Variants in MACROD2 observed in about 807,000 individuals in gnomAD.
MACROD2 encodes the protein ADP-ribose glycohydrolase MACROD2.
Under a neutral mutation model 70.4 loss-of-function variants are expected in MACROD2, and 36 were observed. The ratio of observed to expected loss-of-function variants is 0.51; its 90% confidence interval spans 0.39 to 0.68. The LOEUF is 0.68. Among genes scored for constraint, MACROD2 ranks in the 30% least tolerant of loss-of-function variants. The probability of loss-of-function intolerance (pLI) is 0.00; values close to 1 mark genes in which losing one functional copy is unlikely to be tolerated. For synonymous variants in MACROD2, 172 were observed against 178.8 expected (o/e 0.96, Z 0.30); for missense variants, 496 against 538.4 (o/e 0.92, Z 0.78).
chr20:14,762,529 C>CTT (rs1288946235), intron 5 of MACROD2, among the ~76,000 whole-genome samples: 3 of 152,118 alleles, frequency 2.0e-5, no homozygotes, highest in African/African-American at 7.2e-5. Flanking sequence ...GACATTCTCT[C>CTT]ACTTACTTAC....
At chr20:15,790,273 A>G (rs1297851336) in intron 8 of MACROD2, among the ~76,000 whole-genome samples, 1 of 151,970 alleles carries the variant, frequency 6.6e-6, no homozygotes, top group Non-Finnish European at 1.5e-5. Flanking sequence ...TTTCAAATAA[A>G]TATTCAGCAT....
chr20:14,272,625 A>T (rs2082206876), intron 3 of MACROD2, among the ~76,000 whole-genome samples: 1 of 151,930 alleles, frequency 6.6e-6, no homozygotes, highest in Non-Finnish European at 1.5e-5. Context: ...TAATGACAGG[A>T]TCAAATTCAC....
rs1568687968 is a variant in MACROD2, at chr20:15,986,252, G to A, written c.986-475G>A. 3.3e-5 allele frequency among the ~76,000 whole-genome samples: 5 copies of A among 152,242 alleles called. No individual in the cohort carries two copies. The East Asian group carries it at 9.6e-4, about 29-fold the overall frequency. On this transcript the variant is annotated intron_variant, in intron 13 of 17. Coordinates refer to ENST00000684519, the MANE Select transcript of MACROD2 (RefSeq NM_001351661.2). ...AGGGTCTCTCTCTTCCCTCAGAGCT[G>A]TTATCCCCCCAGTTCCCTTGTGCCC... is the stretch of plus-strand genomic sequence containing the variant.
intron 3 of MACROD2, among the ~76,000 whole-genome samples, chr20:14,233,186 A>G (rs900640341): frequency 6.6e-6 from 1 of 152,190 alleles, no homozygotes; most frequent in Non-Finnish European, 1.5e-5. Flanking sequence ...ACCATAAGAG[A>G]TAAAATAATA....
At chr20:15,961,381 G>GA (rs1004671528) in intron 12 of MACROD2, among the ~76,000 whole-genome samples, 19 of 151,666 alleles carry the variant, frequency 1.3e-4, no homozygotes, top group African/African-American at 3.6e-4. Flanking sequence ...TTTACATTTG[G>GA]AAAAAAAACC....
chr20:15,534,938 A>G (rs2047853469), intron 8 of MACROD2, among the ~76,000 whole-genome samples: 1 of 152,168 alleles, frequency 6.6e-6, no homozygotes, highest in Non-Finnish European at 1.5e-5. Context: ...AAAATTCTAA[A>G]TTCTTTGACC....
chr20:14,051,696 CAA>C (rs1174881373), intron 2 of MACROD2: 5 of 341,576 alleles, frequency 1.5e-5, no homozygotes, highest in Non-Finnish European at 2.8e-5. Flanking sequence ...AGAGAAAAAA[CAA>C]AGAGAATTAT....
chr20:15,982,500 G>C (rs1302198711), intron 13 of MACROD2, among the ~76,000 whole-genome samples: 1 of 152,102 alleles, frequency 6.6e-6, no homozygotes, highest in Non-Finnish European at 1.5e-5. Context: ...CTGGAGCGGG[G>C]CTTGTCGTCT....
At chr20:15,299,635 A>G (rs2077623436) in intron 6 of MACROD2, among the ~76,000 whole-genome samples, 2 of 152,220 alleles carry the variant, frequency 1.3e-5, no homozygotes, top group South Asian at 4.1e-4. Flanking sequence ...GACCATCTGC[A>G]TTATCACCCA....
At chr20:14,492,441 G>A (rs1568637654) in intron 3 of MACROD2, among the ~76,000 whole-genome samples, 1 of 152,116 alleles carries the variant, frequency 6.6e-6, no homozygotes, top group African/African-American at 2.4e-5. Context: ...TCAGTAAACT[G>A]TCACATATCT....
chr20:15,063,622 A>G (rs1342984670), intron 5 of MACROD2, among the ~76,000 whole-genome samples: 1 of 152,216 alleles, frequency 6.6e-6, no homozygotes, highest in Non-Finnish European at 1.5e-5. Flanking sequence ...TTTACCAGGT[A>G]GGTGTCTGCA....
chr20:15,059,703 C>T (rs558393535), intron 5 of MACROD2, among the ~76,000 whole-genome samples: 2 of 152,268 alleles, frequency 1.3e-5, no homozygotes, highest in East Asian at 3.9e-4. Flanking sequence ...TTTTACCCAA[C>T]ATATAGGAAT....
At chr20:15,694,938 C>T (rs1403277072) in intron 8 of MACROD2, among the ~76,000 whole-genome samples, 1 of 152,158 alleles carries the variant, frequency 6.6e-6, no homozygotes, top group Admixed American at 6.5e-5. Context: ...TTACAAGTGG[C>T]TAGCCAATTA....
At chr20:15,343,071 C>T (rs1568735269) in intron 6 of MACROD2, among the ~76,000 whole-genome samples, 1 of 152,146 alleles carries the variant, frequency 6.6e-6, no homozygotes, top group Non-Finnish European at 1.5e-5. Flanking sequence ...CCCAGATGCA[C>T]CTAGGAATTG....
chr20:16,006,397 T>G (rs369000935), intron 15 of MACROD2, among the ~76,000 whole-genome samples: 1 of 152,182 alleles, frequency 6.6e-6, no homozygotes, highest in South Asian at 2.1e-4. Flanking sequence ...AAACTAGCTT[T>G]CTTTGTAGTT....
intron 5 of MACROD2, among the ~76,000 whole-genome samples, chr20:14,768,587 G>A (rs1377538441): frequency 6.6e-6 from 1 of 151,956 alleles, no homozygotes; most frequent in African/African-American, 2.4e-5. Flanking sequence ...CCAAAGCACT[G>A]GGATTACAGG....
rs71340214 is a variant in MACROD2 at position 15,301,591 on chromosome 20, C to CTTTTTTTTTTTTTTTTTTTTTTTT, written c.540+71553_540+71554insTTTTTTTTTTTTTTTTTTTTTTTT. Among the ~76,000 whole-genome samples, 43 of 81,250 alleles carry CTTTTTTTTTTTTTTTTTTTTTTTT rather than the reference C, an allele frequency of 5.3e-4. 6 individuals are homozygous for CTTTTTTTTTTTTTTTTTTTTTTTT. Among genetic ancestry groups the CTTTTTTTTTTTTTTTTTTTTTTTT allele is most frequent in the Non-Finnish European group, 6.9e-4 (29 of 41,964 alleles). 53.3% of individuals were successfully genotyped at this position (81,250 alleles called of 152,430 possible). On this transcript the variant is annotated intron_variant, in intron 6 of 17. Transcript: ENST00000684519. ...GGAAGTTAGTAAGATGGTAGGTGGC[C>CTTTTTTTTTTTTTTTTTTTTTTTT]TTTTTTTTTTTTTTTTTTTTTTTGT...
Position 15,666,791 on chromosome 20 carries a change from C to T in MACROD2, c.645+166944C>T, listed in dbSNP as rs576216507. On this transcript the variant is annotated intron_variant, in intron 8 of 17. Transcript: ENST00000684519. ...GCACCCCTGCACAACCACAGAGTGC[C>T]ACGAGCCATGTCAGAAGAACCCCCT... is the stretch of plus-strand genomic sequence containing the variant. Among the ~76,000 whole-genome samples the T allele has an allele frequency of 3.4e-4, 52 of 152,248 alleles. No homozygotes were observed. The East Asian group carries it at 9.6e-3, about 28-fold the overall frequency.
chr20:15,747,569 G>A (rs1168907327), intron 8 of MACROD2, among the ~76,000 whole-genome samples: 4 of 152,130 alleles, frequency 2.6e-5, no homozygotes, highest in Admixed American at 6.6e-5. Context: ...TTATTTTAAT[G>A]TGTCAGTAAT....
Sources: gnomAD v4.1 joint callset for allele counts (sites outside exome capture counted in the v4.1 genomes callset) on GRCh38, gnomAD v4.1.1 for gene constraint, MANE v1.5 for transcripts, NCBI Gene and HGNC (gene_info 2026-07-23, HGNC 2026-07-21) for gene names.